The following KCNH1 variants were observed in gnomAD, a reference collection of about 807,000 sequenced individuals.
KCNH1 encodes the protein potassium voltage-gated channel subfamily H member 1, also known as voltage-gated delayed rectifier potassium channel KCNH1.
A neutral mutation model predicts 69.2 loss-of-function variants in KCNH1; 27 were observed. The observed-to-expected ratio is 0.39, with a 90% confidence interval of 0.29 to 0.54. KCNH1 has a LOEUF of 0.54. KCNH1 is among the 20% of genes least tolerant of loss of function. The pLI is 0.68. For missense variants in KCNH1, 798 were observed against 1,261.6 expected (o/e 0.63, Z 5.57); for synonymous variants, 456 against 487.7 (o/e 0.93, Z 0.86).
chr1:211,025,448 C>G (rs1015144185), intron 5 of KCNH1, among the ~76,000 whole-genome samples: 55 of 152,230 alleles, frequency 3.6e-4, no homozygotes, highest in African/African-American at 1.2e-3. Context: ...TTTAATTTCT[C>G]TCTCCATGAA....
intron 6 of KCNH1, among the ~76,000 whole-genome samples, chr1:210,942,381 C>A (rs936180145): frequency 6.6e-6 from 1 of 152,134 alleles, no homozygotes; most frequent in African/African-American, 2.4e-5. Flanking sequence ...CCGAGCTTCA[C>A]ATCTTCACCT....
chr1:210,792,177 C>T (rs1558471367), intron 9 of KCNH1, among the ~76,000 whole-genome samples: 1 of 152,162 alleles, frequency 6.6e-6, no homozygotes, highest in Admixed American at 6.5e-5. Flanking sequence ...TTCTCCCTCC[C>T]CTGATATCTC....
At chr1:210,967,383 G>C (rs1207919888) in intron 6 of KCNH1, among the ~76,000 whole-genome samples, 1 of 151,882 alleles carries the variant, frequency 6.6e-6, no homozygotes, top group Non-Finnish European at 1.5e-5. Context: ...CTATGCAAAG[G>C]ATATAAGGGG....
At chr1:211,069,278 C>CCCCA (rs879710958) in intron 5 of KCNH1, among the ~76,000 whole-genome samples, 251 of 63,276 alleles carry the variant, frequency 4.0e-3, no homozygotes, top group Non-Finnish European at 6.2e-3. Context: ...TAGAACATTC[C>CCCCA]TCCCCCACCC....
rs372364517 is a variant in KCNH1, at chr1:210,771,508, G to A, written c.2112+3840C>T. 2.0e-4 allele frequency among the ~76,000 whole-genome samples: 31 copies of A among 152,332 alleles called. 1 individual carries two copies. In the South Asian group the frequency reaches 5.0e-3, roughly 24 times the overall value. On this transcript the variant is annotated intron_variant, in intron 10 of 10. Coordinates refer to ENST00000271751, the MANE Select transcript of KCNH1 (RefSeq NM_172362.3). Reference sequence around the variant, plus strand: ...ACCTGCGGATAACACCTACCCCACAGAACATTGCGCAGGGCAATAACCCTG... The same window carrying A: ...ACCTGCGGATAACACCTACCCCACAAAACATTGCGCAGGGCAATAACCCTG...
intron 6 of KCNH1, among the ~76,000 whole-genome samples, chr1:210,976,249 G>A (rs1439935056): frequency 6.6e-6 from 1 of 151,812 alleles, no homozygotes; most frequent in African/African-American, 2.4e-5. Flanking sequence ...CCCATTACTG[G>A]GTACATACCC....
chr1:211,019,695 G>C (rs1033000166), intron 5 of KCNH1, among the ~76,000 whole-genome samples: 3 of 152,188 alleles, frequency 2.0e-5, no homozygotes, highest in African/African-American at 7.2e-5. Context: ...AACAGCTGCA[G>C]AATACACATT....
chr1:211,069,924 C>T (rs142149697), intron 5 of KCNH1, among the ~76,000 whole-genome samples: 13 of 151,912 alleles, frequency 8.6e-5, no homozygotes, highest in South Asian at 2.1e-4. Context: ...TAAAATGTTC[C>T]CTAAAACATT....
At chr1:210,917,191 C>A (rs1257750766) in intron 7 of KCNH1, among the ~76,000 whole-genome samples, 1 of 106,078 alleles carries the variant, frequency 9.4e-6, no homozygotes, top group Non-Finnish European at 1.9e-5. Context: ...AATAAAGAGA[C>A]AGAGAAAGAA....
chr1:211,019,899 A>G (rs142828767), intron 5 of KCNH1, among the ~76,000 whole-genome samples: 1 of 152,198 alleles, frequency 6.6e-6, no homozygotes, highest in African/African-American at 2.4e-5. Context: ...CTTGTGAATG[A>G]CCAGTGGGTC....
At chr1:210,941,587 AC>A (rs1471901550) in intron 6 of KCNH1, among the ~76,000 whole-genome samples, 2 of 152,178 alleles carry the variant, frequency 1.3e-5, no homozygotes, top group East Asian at 1.9e-4. Flanking sequence ...TGTTGGGCAA[AC>A]CAAAGCTCTG....
At chr1:210,829,326 C>T (rs868092458) in intron 7 of KCNH1, among the ~76,000 whole-genome samples, 7 of 152,176 alleles carry the variant, frequency 4.6e-5, no homozygotes, top group Middle Eastern at 3.2e-3. Flanking sequence ...CTAGTACCAA[C>T]AATGTCTTGT....
intron 5 of KCNH1, among the ~76,000 whole-genome samples, chr1:211,020,596 A>G (rs542272686): frequency 9.2e-5 from 14 of 152,258 alleles, no homozygotes; most frequent in African/African-American, 2.6e-4. Flanking sequence ...TTCTCAAACT[A>G]TTTTTAAAAA....
chr1:210,846,502 G>A (rs1289623595), intron 7 of KCNH1, among the ~76,000 whole-genome samples: 1 of 151,986 alleles, frequency 6.6e-6, no homozygotes, highest in African/African-American at 2.4e-5. Flanking sequence ...TTTAATAAAT[G>A]GTGCTGGGAA....
intron 1 of KCNH1, among the ~76,000 whole-genome samples, chr1:211,128,931 G>C (rs1691830555): frequency 6.6e-6 from 1 of 152,150 alleles, no homozygotes; most frequent in Non-Finnish European, 1.5e-5. Context: ...GGCGGCAAAA[G>C]AAACACAATT....
At chr1:211,036,622 C>T (rs1473028437) in intron 5 of KCNH1, among the ~76,000 whole-genome samples, 1 of 152,190 alleles carries the variant, frequency 6.6e-6, no homozygotes, top group East Asian at 1.9e-4. Flanking sequence ...GTCATAGAAG[C>T]ATGCCCTATG....
At chr1:210,915,444 T>C (rs1687315284) in intron 7 of KCNH1, among the ~76,000 whole-genome samples, 1 of 152,092 alleles carries the variant, frequency 6.6e-6, no homozygotes. Context: ...TCTCTTGGCA[T>C]TACCAATGCA....
chr1:211,129,284 T>C (rs1393306462), intron 1 of KCNH1, among the ~76,000 whole-genome samples: 3 of 152,196 alleles, frequency 2.0e-5, no homozygotes, highest in Non-Finnish European at 4.4e-5. Flanking sequence ...AAGGGAAGAA[T>C]TGAAGAGCTT....
At chr1:210,861,041 C>T (rs1180635742) in intron 7 of KCNH1, 2 of 1,043,022 alleles carry the variant, frequency 1.9e-6, no homozygotes, top group African/African-American at 3.1e-5. Flanking sequence ...GTAACAAAAT[C>T]CCATAGTCTT....
Sources: gnomAD v4.1 joint callset for allele counts (sites outside exome capture counted in the v4.1 genomes callset) on GRCh38, gnomAD v4.1.1 for gene constraint, MANE v1.5 for transcripts, NCBI Gene and HGNC (gene_info 2026-07-23, HGNC 2026-07-21) for gene names.